Variants in B3GALT1 observed in about 807,000 individuals in gnomAD.
B3GALT1 encodes beta-1,3-galactosyltransferase 1.
B3GALT1 carries 10 observed loss-of-function variants against 23.2 expected under a neutral mutation model. That is an observed-to-expected ratio of 0.43 (90% CI 0.27 to 0.73). The LOEUF (loss-of-function observed/expected upper bound fraction) is 0.73. Among genes scored for constraint, B3GALT1 ranks in the 30% least tolerant of loss-of-function variants. The probability of loss-of-function intolerance (pLI) is 0.21; values close to 1 mark genes in which losing one functional copy is unlikely to be tolerated. For missense variants in B3GALT1, 299 were observed against 405.4 expected (o/e 0.74, Z 2.25); for synonymous variants, 156 against 141.5 (o/e 1.10, Z -0.73).
At chr2:167,414,034 A>T (rs1303629294) in intron 1 of B3GALT1, among the ~76,000 whole-genome samples, 1 of 152,154 alleles carries the variant, frequency 6.6e-6, no homozygotes, top group Non-Finnish European at 1.5e-5. Flanking sequence ...GTTCATGGCT[A>T]AGGCCCCATA....
At chr2:167,420,666 A>G (rs12986719) in intron 1 of B3GALT1, among the ~76,000 whole-genome samples, 2 of 152,214 alleles carry the variant, frequency 1.3e-5, no homozygotes, top group Admixed American at 6.5e-5. Flanking sequence ...GTGGTAAGCC[A>G]TATCATCCAT....
At chr2:167,431,841 C>G (rs1698710024) in intron 1 of B3GALT1, among the ~76,000 whole-genome samples, 1 of 152,110 alleles carries the variant, frequency 6.6e-6, no homozygotes, top group Non-Finnish European at 1.5e-5. Context: ...TTATCCCCCT[C>G]TATTCTAAGA....
chr2:167,451,625 G>C (rs1349364005), intron 1 of B3GALT1, among the ~76,000 whole-genome samples: 1 of 152,188 alleles, frequency 6.6e-6, no homozygotes, highest in Non-Finnish European at 1.5e-5. Flanking sequence ...ACTCAGTGAG[G>C]GTCCTTAGTT....
chr2:167,481,643 G>T (rs1699564546), intron 1 of B3GALT1, among the ~76,000 whole-genome samples: 1 of 152,144 alleles, frequency 6.6e-6, no homozygotes, highest in African/African-American at 2.4e-5. Flanking sequence ...AAGAATGATG[G>T]TCATGTCCCT....
intron 3 of B3GALT1, among the ~76,000 whole-genome samples, chr2:167,809,162 G>A (rs1244328390): frequency 5.9e-5 from 9 of 152,140 alleles, no homozygotes; most frequent in Non-Finnish European, 1.0e-4. Flanking sequence ...TCTCTGCATT[G>A]GTTATTCTAG....
intron 1 of B3GALT1, among the ~76,000 whole-genome samples, chr2:167,376,979 G>A (rs188359812): frequency 9.0e-4 from 137 of 152,090 alleles, no homozygotes; most frequent in Non-Finnish European, 1.4e-3. Context: ...GGCACTTAGC[G>A]CTATAAACTT....
intron 1 of B3GALT1, among the ~76,000 whole-genome samples, chr2:167,460,843 A>G (rs1699248996): frequency 6.6e-6 from 1 of 152,164 alleles, no homozygotes; most frequent in African/African-American, 2.4e-5. Context: ...TGAAGTGTAA[A>G]CTTAAGATCT....
chr2:167,394,612 A>T (rs1698067165), intron 1 of B3GALT1, among the ~76,000 whole-genome samples: 1 of 152,108 alleles, frequency 6.6e-6, no homozygotes, highest in Non-Finnish European at 1.5e-5. Flanking sequence ...TTTTAATACA[A>T]CTTAAAAAGC....
At chr2:167,647,251 C>T (rs1410885909) in intron 3 of B3GALT1, among the ~76,000 whole-genome samples, 1 of 152,172 alleles carries the variant, frequency 6.6e-6, no homozygotes, top group Non-Finnish European at 1.5e-5. Context: ...TCCTGAAAAT[C>T]CAACTCGACT....
intron 3 of B3GALT1, among the ~76,000 whole-genome samples, chr2:167,816,853 G>A (rs1482330711): frequency 6.6e-6 from 1 of 151,986 alleles, no homozygotes; most frequent in East Asian, 1.9e-4. Context: ...GCAGAATGAG[G>A]GTTCATGCAG....
chr2:167,600,891 G>T (rs954878368), intron 2 of B3GALT1, among the ~76,000 whole-genome samples: 4 of 151,464 alleles, frequency 2.6e-5, no homozygotes, highest in Non-Finnish European at 4.4e-5. Context: ...TTGTATAAAC[G>T]CATGTTTTTA....
At chr2:167,719,905 C>T (rs879860856) in intron 3 of B3GALT1, among the ~76,000 whole-genome samples, 7 of 151,744 alleles carry the variant, frequency 4.6e-5, no homozygotes, top group Non-Finnish European at 4.4e-5. Flanking sequence ...GCACTCCAGC[C>T]TGGGTGACAG....
intron 4 of B3GALT1, among the ~76,000 whole-genome samples, chr2:167,844,956 C>T (rs1689725131): frequency 6.6e-6 from 1 of 152,038 alleles, no homozygotes; most frequent in African/African-American, 2.4e-5. Flanking sequence ...CTGGGCAAAG[C>T]CTGTGACTGC....
chr2:167,472,732 C>T (rs1259144681), intron 1 of B3GALT1, among the ~76,000 whole-genome samples: 1 of 152,074 alleles, frequency 6.6e-6, no homozygotes, highest in African/African-American at 2.4e-5. Context: ...CTGTGCTCTT[C>T]CTCATTCTTC....
At chr2:167,518,131 A>T (rs1700131898) in intron 2 of B3GALT1, among the ~76,000 whole-genome samples, 1 of 152,134 alleles carries the variant, frequency 6.6e-6, no homozygotes, top group Non-Finnish European at 1.5e-5. Flanking sequence ...TTTCATAAGA[A>T]TTCCATCGAG....
chr2:167,639,811 A>T (rs1272067882), intron 2 of B3GALT1, among the ~76,000 whole-genome samples: 1 of 152,124 alleles, frequency 6.6e-6, no homozygotes, highest in African/African-American at 2.4e-5. Context: ...AATTAAGTTG[A>T]CATCCAAATC....
intron 3 of B3GALT1, among the ~76,000 whole-genome samples, chr2:167,711,607 G>T (rs191149791): frequency 6.6e-6 from 1 of 152,222 alleles, no homozygotes; most frequent in Non-Finnish European, 1.5e-5. Context: ...TTTCCAAGTG[G>T]TAAGAACTTT....
intron 3 of B3GALT1, among the ~76,000 whole-genome samples, chr2:167,649,076 G>T (rs1233850546): frequency 2.0e-5 from 3 of 152,016 alleles, no homozygotes; most frequent in Non-Finnish European, 2.9e-5. Context: ...TTGACTCACT[G>T]GACCTGTAGA....
At chr2:167,465,165 A>C (rs896154139) in intron 1 of B3GALT1, among the ~76,000 whole-genome samples, 5 of 152,194 alleles carry the variant, frequency 3.3e-5, no homozygotes, top group African/African-American at 1.2e-4. Context: ...AGTAAGAGAA[A>C]AATTAGTCCA....
Sources: allele counts gnomAD v4.1 joint callset (sites outside exome capture counted in the v4.1 genomes callset), GRCh38; gene constraint gnomAD v4.1.1; transcripts MANE v1.5; gene names NCBI Gene and HGNC (gene_info 2026-07-23, HGNC 2026-07-21).